ANKRD55: variants seen among roughly 807,000 people sequenced by gnomAD.
ANKRD55 encodes the protein ankyrin repeat domain-containing protein 55.
A neutral mutation model predicts 60.6 loss-of-function variants in ANKRD55; 41 were observed. The ratio of observed to expected loss-of-function variants is 0.68; its 90% CI spans 0.53 to 0.88. The LOEUF (loss-of-function observed/expected upper bound fraction) is 0.88. Ranked by LOEUF, ANKRD55 falls within the 40% of genes least tolerant of loss-of-function variation. The probability of loss-of-function intolerance (pLI) is 0.00; values close to 1 mark genes in which losing one functional copy is unlikely to be tolerated. For synonymous variants in ANKRD55, 264 were observed against 290.3 expected, an observed-to-expected ratio of 0.91 and a Z score of 0.92; for missense variants, 732 against 767.6, an observed-to-expected ratio of 0.95 and a Z score of 0.55.
At chr5:56,219,273 C>CAG (rs201977107) in intron 2 of ANKRD55, among the ~76,000 whole-genome samples, 3 of 97,040 alleles carry the variant, frequency 3.1e-5, no homozygotes, top group African/African-American at 1.1e-4. Context: ...ACTCTGCCTC[C>CAG]AAAAAAAAAA....
intron 5 of ANKRD55, among the ~76,000 whole-genome samples, chr5:56,164,867 C>T (rs1014129727): frequency 1.3e-5 from 2 of 152,130 alleles, no homozygotes; most frequent in African/African-American, 4.8e-5. Context: ...TGTGCCTTCA[C>T]GTTCATGATT....
At chr5:56,145,813 C>T (rs912571385) in intron 6 of ANKRD55, among the ~76,000 whole-genome samples, 2 of 152,132 alleles carry the variant, frequency 1.3e-5, no homozygotes, top group Non-Finnish European at 2.9e-5. Context: ...AGTGAACCTC[C>T]AGAGATACTC....
At chr5:56,107,337 T>C (rs768882376) in intron 10 of ANKRD55, among the ~76,000 whole-genome samples, 3 of 152,198 alleles carry the variant, frequency 2.0e-5, no homozygotes, top group East Asian at 1.9e-4. Context: ...GCAGATTCCA[T>C]TGGAGAAATT....
chr5:56,147,441 A>T (rs1359901074), intron 6 of ANKRD55, among the ~76,000 whole-genome samples: 1 of 152,152 alleles, frequency 6.6e-6, no homozygotes, highest in Non-Finnish European at 1.5e-5. Flanking sequence ...AAGGATTGGT[A>T]CCCTATATTT....
intron 3 of ANKRD55, among the ~76,000 whole-genome samples, chr5:56,177,646 G>A (rs1254254513): frequency 2.0e-5 from 3 of 151,970 alleles, no homozygotes; most frequent in Non-Finnish European, 2.9e-5. Flanking sequence ...ATGGTGGCAC[G>A]CACCTATGAT....
At chr5:56,224,049 A>G (rs1760041553) in intron 2 of ANKRD55, among the ~76,000 whole-genome samples, 1 of 152,192 alleles carries the variant, frequency 6.6e-6, no homozygotes, top group Admixed American at 6.5e-5. Flanking sequence ...TCTCAGCACC[A>G]CACCGCACTT....
chr5:56,229,495 A>G (rs1013063831), intron 2 of ANKRD55, among the ~76,000 whole-genome samples: 2 of 152,168 alleles, frequency 1.3e-5, no homozygotes, highest in Non-Finnish European at 1.5e-5. Flanking sequence ...AATATGTAAT[A>G]TAGTATTATC....
chr5:56,145,845 G>A, intron 6 of ANKRD55, among the ~76,000 whole-genome samples: 1 of 152,072 alleles, frequency 6.6e-6, no homozygotes, highest in East Asian at 1.9e-4. Context: ...TCAAGAAATT[G>A]GTTCCATATG....
chr5:56,153,156 T>C (rs903311228), intron 6 of ANKRD55, among the ~76,000 whole-genome samples: 3 of 149,544 alleles, frequency 2.0e-5, no homozygotes, highest in Non-Finnish European at 1.5e-5. Context: ...GAAGATATAA[T>C]AAAGACCATT....
At chr5:56,125,675 T>C (rs1757226624) in intron 8 of ANKRD55, 1 of 152,314 alleles carries the variant, frequency 6.6e-6, no homozygotes, top group Non-Finnish European at 1.5e-5. Flanking sequence ...CCCCATTTTT[T>C]CCCTGAGTTA....
chr5:56,168,215 A>G (rs1758528195), intron 5 of ANKRD55, among the ~76,000 whole-genome samples: 1 of 152,240 alleles, frequency 6.6e-6, no homozygotes, highest in Non-Finnish European at 1.5e-5. Context: ...TGGCTTCTCT[A>G]TAGGGTAGTC....
At chr5:56,135,290 GCTTGCTTTCTTTCTTTCTTTCTTT>G (rs1757545356) in intron 7 of ANKRD55, among the ~76,000 whole-genome samples, 1 of 69,302 alleles carries the variant, frequency 1.4e-5, no homozygotes. Context: ...CTGCCTGCCT[GCTTGCTTTCTTTCTTTCTTTCTTT>G]CTTTCTTTCT....
At chr5:56,203,842 T>C (rs924876996) in intron 2 of ANKRD55, among the ~76,000 whole-genome samples, 1 of 152,192 alleles carries the variant, frequency 6.6e-6, no homozygotes, top group African/African-American at 2.4e-5. Flanking sequence ...GTCCTTTGGG[T>C]ATATACCCAG....
chr5:56,125,719 G>A (rs989462049), intron 8 of ANKRD55: 8 of 152,086 alleles, frequency 5.3e-5, no homozygotes, highest in South Asian at 2.1e-4. Flanking sequence ...GAAGATTAGC[G>A]TGGCCCCTGC....
At chr5:56,175,811 C>G (rs2112868) in intron 4 of ANKRD55, among the ~76,000 whole-genome samples, 25,549 of 151,998 alleles carry the variant, frequency 0.17, 3,946 homozygotes, top group African/African-American at 0.41. Context: ...TATTCCCACC[C>G]TGTTGGGGTT....
intron 2 of ANKRD55, among the ~76,000 whole-genome samples, chr5:56,219,235 T>C (rs1327762966): frequency 1.5e-5 from 2 of 132,546 alleles, no homozygotes; most frequent in African/African-American, 5.8e-5. Flanking sequence ...ATCGTGCCAC[T>C]GCACTCCAGC....
chr5:56,218,820 A>G (rs571222817), intron 2 of ANKRD55, among the ~76,000 whole-genome samples: 1 of 152,288 alleles, frequency 6.6e-6, no homozygotes. Context: ...AGAGAGAGAG[A>G]GAGGGAGGGA....
At chr5:56,110,201 A>C (rs2111671918) in intron 10 of ANKRD55, among the ~76,000 whole-genome samples, 1 of 150,640 alleles carries the variant, frequency 6.6e-6, no homozygotes, top group African/African-American at 2.5e-5. Context: ...GTTCACCACC[A>C]GCCTGGGAAA....
chr5:56,107,031 AT>A (rs1756503670), intron 10 of ANKRD55, among the ~76,000 whole-genome samples: 1 of 149,800 alleles, frequency 6.7e-6, no homozygotes, highest in Non-Finnish European at 1.5e-5. Context: ...AAAAAAAAAA[AT>A]CCCTCACTCT....
Sources: allele counts gnomAD v4.1 joint callset (sites outside exome capture counted in the v4.1 genomes callset), GRCh38; gene constraint gnomAD v4.1.1; transcripts MANE v1.5; gene names NCBI Gene and HGNC (gene_info 2026-07-23, HGNC 2026-07-21).